The following RSBN1L variants were observed in gnomAD, a reference collection of about 807,000 sequenced individuals.
RSBN1L encodes lysine-specific demethylase RSBN1L.
A neutral mutation model predicts 67.7 loss-of-function variants in RSBN1L; 30 were observed. The ratio of observed to expected loss-of-function variants is 0.44; its 90% CI spans 0.33 to 0.60. The LOEUF (loss-of-function observed/expected upper bound fraction) is 0.60. Ranked by LOEUF, RSBN1L falls within the 20% of genes least tolerant of loss-of-function variation. The pLI is 0.02. For synonymous variants in RSBN1L, 433 were observed against 387.0 expected (o/e 1.12, Z -1.39); for missense variants, 992 against 1,031.7 (o/e 0.96, Z 0.53).
At chr7:77,723,121 C>T (rs1414209111) in intron 1 of RSBN1L, among the ~76,000 whole-genome samples, 3 of 151,980 alleles carry the variant, frequency 2.0e-5, no homozygotes, top group African/African-American at 7.2e-5. Context: ...CATGCGCCAC[C>T]TCGCCTGGCT....
At chr7:77,732,845 C>T (rs1213498125) in intron 1 of RSBN1L, among the ~76,000 whole-genome samples, 1 of 152,166 alleles carries the variant, frequency 6.6e-6, no homozygotes, top group Non-Finnish European at 1.5e-5. Context: ...ACACAAACTC[C>T]ATTTTACAGC....
intron 3 of RSBN1L, among the ~76,000 whole-genome samples, chr7:77,751,845 G>A (rs1337157047): frequency 6.6e-6 from 1 of 152,080 alleles, no homozygotes; most frequent in Non-Finnish European, 1.5e-5. Context: ...CTAAATGTCC[G>A]GTTTTCTATT....
chr7:77,765,702 TC>T, intron 4 of RSBN1L, 70 bp downstream of exon 4: 1 of 1,115,700 alleles, frequency 9.0e-7, no homozygotes, highest in Non-Finnish European at 1.3e-6. Context: ...ATATGAGTAA[TC>T]TAAATTGTGA....
chr7:77,777,156 C>A (rs888302836), intron 6 of RSBN1L, among the ~76,000 whole-genome samples: 1 of 151,828 alleles, frequency 6.6e-6, no homozygotes, highest in African/African-American at 2.4e-5. Context: ...TAGTATACTT[C>A]CATTTATTCC....
chr7:77,782,731 G>A lies in RSBN1L; in HGVS notation c.*3563G>A, dbSNP rs1792015136. The A allele has an allele frequency of 1.3e-5, 2 of 152,076 alleles. No individual in the cohort carries two copies. Among genetic ancestry groups the A allele is most frequent in the Non-Finnish European group, 2.9e-5 (2 of 67,994 alleles). 9.4% of individuals were successfully genotyped at this position (152,076 alleles called of 1,614,324 possible). On this transcript the variant is annotated 3_prime_UTR_variant, in exon 8 of 8. Coordinates refer to ENST00000334955, the MANE Select transcript of RSBN1L (RefSeq NM_198467.3). Reference sequence around the variant, plus strand: ...ACTTTTCTCGAGTGGTGGTCATTGAGGGTAGGGAAGATTTTATTTTTTAAG... The same window carrying A: ...ACTTTTCTCGAGTGGTGGTCATTGAAGGTAGGGAAGATTTTATTTTTTAAG...
At chr7:77,717,079 G>A (rs1297858941) in intron 1 of RSBN1L, among the ~76,000 whole-genome samples, 1 of 151,750 alleles carries the variant, frequency 6.6e-6, no homozygotes, top group African/African-American at 2.4e-5. Context: ...TCCCATCTTA[G>A]CCTCTTGAGT....
chr7:77,749,354 A>G, intron 2 of RSBN1L, 70 bp from the exon 3 acceptor site: 1 of 1,205,276 alleles, frequency 8.3e-7, no homozygotes, highest in Non-Finnish European at 1.1e-6. Flanking sequence ...TACTTAGACA[A>G]AACTGTTCCT....
chr7:77,715,782 T>G (rs1791040826), intron 1 of RSBN1L, among the ~76,000 whole-genome samples: 1 of 152,218 alleles, frequency 6.6e-6, no homozygotes, highest in African/African-American at 2.4e-5. Flanking sequence ...ATTGCCAGTT[T>G]AAAAATCTTC....
chr7:77,755,623 C>T (rs894117213), intron 3 of RSBN1L, among the ~76,000 whole-genome samples: 2 of 152,064 alleles, frequency 1.3e-5, no homozygotes, highest in Non-Finnish European at 2.9e-5. Context: ...ACCGAGATCG[C>T]GCCATTGCAC....
At chr7:77,750,198 A>G in intron 3 of RSBN1L, 134 bp downstream of exon 3, 1 of 427,484 alleles carries the variant, frequency 2.3e-6, no homozygotes, top group Non-Finnish European at 3.9e-6. Flanking sequence ...TATTAAGAGT[A>G]AATTACTTTC....
Position 77,749,526 on chromosome 7 carries a change from C to T in RSBN1L, c.806C>T (p.Pro269Leu), listed in dbSNP as rs200689519. 396 of 1,608,846 alleles carry T rather than the reference C, an allele frequency of 2.5e-4. No individual in the cohort carries two copies. In the African/African-American group the frequency reaches 4.8e-3, roughly 20 times the overall value. ...AAAGAGAATGAAAAACGGAAGCGTC[C>T]GAAAATGTATAGCAAATCTATTCAG... ...KHKENEKRKRPKMYSKSIQTI... is the reference protein window; with the variant it reads ...KHKENEKRKRLKMYSKSIQTI... Residue 269 changes from proline (P) to leucine (L), a missense_variant, in exon 3 of 8, where the codon CCG becomes CTG. Coordinates refer to ENST00000334955, the MANE Select transcript of RSBN1L (RefSeq NM_198467.3).
intron 2 of RSBN1L, among the ~76,000 whole-genome samples, chr7:77,739,244 C>T (rs975938313): frequency 2.0e-5 from 3 of 152,156 alleles, no homozygotes; most frequent in Admixed American, 6.5e-5. Flanking sequence ...CTGTGTGCCA[C>T]TTTTTTCCTT....
At chr7:77,742,781 T>C (rs1791430297) in intron 2 of RSBN1L, among the ~76,000 whole-genome samples, 1 of 152,178 alleles carries the variant, frequency 6.6e-6, no homozygotes, top group South Asian at 2.1e-4. Flanking sequence ...CGGAAGTTGC[T>C]GTGAGCCGAT....
intron 1 of RSBN1L, among the ~76,000 whole-genome samples, chr7:77,731,442 C>T (rs1791270823): frequency 1.3e-5 from 2 of 152,090 alleles, no homozygotes; most frequent in South Asian, 4.1e-4. Flanking sequence ...CATCATGTTG[C>T]CCAGGCTGGT....
intron 1 of RSBN1L, among the ~76,000 whole-genome samples, chr7:77,725,243 A>AATTTTTTTTTTTTTTTTTTTT (rs1554338354): frequency 1.9e-4 from 11 of 57,914 alleles, no homozygotes; most frequent in African/African-American, 8.0e-4. Flanking sequence ...TAAGCCCCCC[A>AATTTTTTTTTTTTTTTTTTTT]CTTTTTTTTT....
intron 1 of RSBN1L, among the ~76,000 whole-genome samples, chr7:77,733,391 TG>T (rs1176602309): frequency 6.6e-6 from 1 of 152,226 alleles, no homozygotes; most frequent in Non-Finnish European, 1.5e-5. Context: ...TCTCCTGTCT[TG>T]GCTTTGCCAT....
chr7:77,724,146 A>G (rs1041802676), intron 1 of RSBN1L, among the ~76,000 whole-genome samples: 1 of 152,084 alleles, frequency 6.6e-6, no homozygotes, highest in African/African-American at 2.4e-5. Flanking sequence ...CATCGAGATA[A>G]TATATATCAA....
intron 1 of RSBN1L, among the ~76,000 whole-genome samples, chr7:77,712,217 A>G (rs751043618): frequency 1.3e-5 from 2 of 152,020 alleles, no homozygotes; most frequent in African/African-American, 2.4e-5. Context: ...TTCACTTAGT[A>G]TATACATGTA....
At chr7:77,697,686 C>T (rs1056364064) in intron 1 of RSBN1L, among the ~76,000 whole-genome samples, 1 of 152,192 alleles carries the variant, frequency 6.6e-6, no homozygotes, top group African/African-American at 2.4e-5. Flanking sequence ...TGAAATACCA[C>T]CCTTCTGAAA....
Sources: allele counts gnomAD v4.1 joint callset (sites outside exome capture counted in the v4.1 genomes callset), GRCh38; gene constraint gnomAD v4.1.1; transcripts MANE v1.5; gene names NCBI Gene and HGNC (gene_info 2026-07-23, HGNC 2026-07-21).